Variants in TET1 observed in about 807,000 individuals in gnomAD.
The protein encoded by TET1 is tet methylcytosine dioxygenase 1, also known as methylcytosine dioxygenase TET1.
TET1 carries 13 observed loss-of-function variants against 148.7 expected under a neutral mutation model. The ratio of observed to expected loss-of-function variants is 0.09; its 90% CI spans 0.06 to 0.14. TET1 has a LOEUF of 0.14. Ranked by LOEUF, TET1 falls within the 10% of genes least tolerant of loss-of-function variation. TET1 has a pLI of 1.00. For missense variants in TET1, 2,182 were observed against 2,553.8 expected, an observed-to-expected ratio of 0.85 and a Z score of 3.14; for synonymous variants, 907 against 937.2, an observed-to-expected ratio of 0.97 and a Z score of 0.59.
chr10:68,572,043 G>C (rs2053676166), intron 1 of TET1, among the ~76,000 whole-genome samples, 174 bp from the exon 2 acceptor site: 1 of 152,082 alleles, frequency 6.6e-6, no homozygotes, highest in South Asian at 2.1e-4. Flanking sequence ...CTTGAGCCTG[G>C]GTAGGTCCAG....
intron 3 of TET1, among the ~76,000 whole-genome samples, chr10:68,617,082 A>G (rs570637846): frequency 8.2e-6 from 1 of 121,998 alleles, no homozygotes; most frequent in Admixed American, 1.1e-4. Flanking sequence ...GCTGGAGTGC[A>G]GTGGCGCGAT....
intron 2 of TET1, among the ~76,000 whole-genome samples, chr10:68,577,205 C>T (rs1219563081): frequency 1.3e-5 from 2 of 148,510 alleles, no homozygotes; most frequent in Non-Finnish European, 1.5e-5. Flanking sequence ...CCACCGTGCC[C>T]AGCCTTAATT....
At chr10:68,661,196 A>ATTT (rs974912892) in intron 6 of TET1, among the ~76,000 whole-genome samples, 3,082 of 77,780 alleles carry the variant, frequency 0.04, 17 homozygotes, top group African/African-American at 0.056. Flanking sequence ...CGCCTGGCTA[A>ATTT]TTTTTTTTTT....
chr10:68,689,804 G>A (rs977351734), intron 11 of TET1, among the ~76,000 whole-genome samples: 1 of 151,808 alleles, frequency 6.6e-6, no homozygotes, highest in African/African-American at 2.4e-5. Context: ...CTTCATAACA[G>A]GGAGAATGTC....
intron 8 of TET1, chr10:68,673,414 G>T (rs915338720): frequency 5.0e-6 from 2 of 400,662 alleles, no homozygotes; most frequent in African/African-American, 2.1e-5. Context: ...TACTATGAAA[G>T]AATTACTAAA....
Position 68,691,659 on chromosome 10 carries a change from C to A in TET1, c.6256C>A (p.Gln2086Lys). The change falls in exon 12 of 12, where the codon CAG becomes AAG. Residue 2086 changes from glutamine (Q) to lysine (K), a missense_variant. Gln to Lys is a moderately conservative substitution (Grantham distance 53). Around this residue, in one of 11 missense-constraint regions of TET1, gnomAD observed 54 missense variants for 44.4 expected, o/e 1.22. Transcript: ENST00000373644. The surrounding 1 kb of genome is among the most constrained non-coding windows in gnomAD (Gnocchi z 4.4). ...KKMKASEQKD[Q>K]AANEGPEQSS... ...AATGAAGGCCTCAGAGCAAAAAGAC[C>A]AGGCAGCTAATGAAGGTCCAGAACA... The A allele has an allele frequency of 1.2e-6, 2 of 1,614,142 alleles. No individual in the cohort carries two copies. Among genetic ancestry groups the A allele is most frequent in the Non-Finnish European group, 1.7e-6 (2 of 1,180,020 alleles).
rs866928874 is a variant in TET1, at chr10:68,632,688, C to G, written c.1969-12010C>G. On this transcript the variant is annotated intron_variant, in intron 3 of 11. Coordinates refer to ENST00000373644, the MANE Select transcript of TET1 (RefSeq NM_030625.3). ...AGATATTATATGAAGGTACCCACCT[C>G]GATCCTGAAAGAAAACACAACGGCG... The G allele has an allele frequency of 9.9e-6, 16 of 1,608,650 alleles. No individual in the cohort carries two copies. The East Asian group carries it at 1.6e-4, about 16-fold the overall frequency.
At position 68,644,793 on chromosome 10, in the gene TET1, C is replaced by T; in HGVS notation, c.2064C>T (p.Asn688=). 6.2e-7 allele frequency: 1 copy of T among 1,613,882 alleles called. No homozygotes were observed. ...GGGAAGAACAAAAATTGGAATTGAA[C>T]CCACATACTGTTGAAAATGTAACTA... ...GHGEEQKLEL[N]PHTVENVTKN... is the part of the protein sequence containing the mutation. Residue 688 remains asparagine (N), a synonymous_variant, in exon 4 of 12, where the codon AAC becomes AAT. Transcript: ENST00000373644.
chr10:68,599,113 T>C (rs1217247015), intron 2 of TET1, among the ~76,000 whole-genome samples: 2 of 152,240 alleles, frequency 1.3e-5, no homozygotes, highest in South Asian at 2.1e-4. Flanking sequence ...CATGCTTTTG[T>C]GGCAAACTGA....
At chr10:68,618,031 C>T (rs978696990) in intron 3 of TET1, among the ~76,000 whole-genome samples, 1 of 151,800 alleles carries the variant, frequency 6.6e-6, no homozygotes, top group African/African-American at 2.4e-5. Context: ...AAGTGATCCT[C>T]CTGAGGCATT....
intron 2 of TET1, among the ~76,000 whole-genome samples, chr10:68,591,388 G>A (rs972475733): frequency 6.6e-5 from 10 of 152,058 alleles, no homozygotes; most frequent in African/African-American, 2.4e-5. Flanking sequence ...GAACATAGCT[G>A]TTGTTCTGTA....
At chr10:68,672,640 G>T (rs1195596752) in intron 7 of TET1, among the ~76,000 whole-genome samples, 1 of 151,472 alleles carries the variant, frequency 6.6e-6, no homozygotes, top group Non-Finnish European at 1.5e-5. Flanking sequence ...TTGCAATCAT[G>T]ACCAAATATT....
intron 3 of TET1, among the ~76,000 whole-genome samples, chr10:68,637,108 C>T (rs1247003290): frequency 6.6e-6 from 1 of 151,850 alleles, no homozygotes; most frequent in Admixed American, 6.6e-5. Context: ...AAGTGATTCT[C>T]CTGCCTCAGC....
intron 3 of TET1, among the ~76,000 whole-genome samples, chr10:68,606,018 T>TA (rs1470121635): frequency 2.6e-5 from 4 of 152,306 alleles, no homozygotes; most frequent in Non-Finnish European, 5.9e-5. Context: ...CCTCCCCTGC[T>TA]AAAATTACTA....
At chr10:68,595,953 T>C (rs1164098441) in intron 2 of TET1, among the ~76,000 whole-genome samples, 72 of 32,998 alleles carry the variant, frequency 2.2e-3, no homozygotes, top group Middle Eastern at 0.013. Flanking sequence ...TATATATATA[T>C]ATATATATAC....
At chr10:68,639,940 T>C (rs1365158915) in intron 3 of TET1, among the ~76,000 whole-genome samples, 1 of 152,166 alleles carries the variant, frequency 6.6e-6, no homozygotes, top group Non-Finnish European at 1.5e-5. Context: ...AACTTTTTAT[T>C]TTTTTAAGAT....
chr10:68,582,912 T>A (rs1366326906), intron 2 of TET1, among the ~76,000 whole-genome samples: 1 of 152,124 alleles, frequency 6.6e-6, no homozygotes, highest in African/African-American at 2.4e-5. Context: ...AAAAACAAAC[T>A]TTTGTTGTTT....
chr10:68,616,232 G>C (rs532627706), intron 3 of TET1, among the ~76,000 whole-genome samples: 5 of 152,264 alleles, frequency 3.3e-5, no homozygotes, highest in Non-Finnish European at 7.4e-5. Context: ...TTGTAATTCA[G>C]ACGCTCATTA....
intron 1 of TET1, among the ~76,000 whole-genome samples, chr10:68,567,200 A>G (rs2053616770): frequency 6.6e-6 from 1 of 152,178 alleles, no homozygotes; most frequent in Non-Finnish European, 1.5e-5. Context: ...TGAAACCTCA[A>G]AACTACCTCA....
Sources: allele counts gnomAD v4.1 joint callset (sites outside exome capture counted in the v4.1 genomes callset), GRCh38; gene constraint gnomAD v4.1.1; regional missense constraint gnomAD v4.1.1; non-coding constraint Gnocchi (gnomAD v3.1); transcripts MANE v1.5; gene names NCBI Gene and HGNC (gene_info 2026-07-23, HGNC 2026-07-21).